The following ITPRIPL2 variants were observed in gnomAD, a reference collection of about 807,000 sequenced individuals.
ITPRIPL2 encodes the protein inositol 1,4,5-trisphosphate receptor-interacting protein-like 2.
In ITPRIPL2, 29 loss-of-function variants were observed where a neutral mutation model predicts 31.7. That is an observed-to-expected ratio of 0.91 (90% CI 0.68 to 1.25). The LOEUF is 1.25. Among genes scored for constraint, ITPRIPL2 ranks in the 50% most tolerant of loss-of-function variants. The pLI is 0.00. For missense variants in ITPRIPL2, 696 were observed against 739.1 expected (o/e 0.94, Z 0.68); for synonymous variants, 344 against 343.4 (o/e 1.00, Z -0.02).
chr16:19,115,935 G>A lies in ITPRIPL2; in HGVS notation c.1474G>A (p.Ala492Thr), dbSNP rs1209444158. ...AAFDGHAREL[A>T]AARLLSTWQR... ...TTTCGACGGGCACGCCCGGGAACTTGCAGCAGCGCGGTTGCTGTCCACGTG... is the reference window on the plus strand; with the variant it reads ...TTTCGACGGGCACGCCCGGGAACTTACAGCAGCGCGGTTGCTGTCCACGTG... The change falls in exon 1 of 1, where the codon GCA (alanine) becomes ACA (threonine). Residue 492 changes from alanine to threonine, a missense_variant. Coordinates refer to ENST00000381440, the MANE Select transcript of ITPRIPL2 (RefSeq NM_001034841.4). The A allele has an allele frequency of 1.9e-6, 3 of 1,612,436 alleles. No individual in the cohort carries two copies. The African/African-American group carries it at 4.0e-5, about 22-fold the overall frequency.
In ITPRIPL2 at chr16:19,117,725, A is replaced by G. The variant is rs947970071; in HGVS notation, c.*1656A>G. ...TTCTGAGCTCTTTTGAGGGAACTCTATAAGCCTTCTTTCTTTAGGGGATCC... is the reference window on the plus strand; with the variant it reads ...TTCTGAGCTCTTTTGAGGGAACTCTGTAAGCCTTCTTTCTTTAGGGGATCC... On this transcript the variant is annotated 3_prime_UTR_variant, in exon 1 of 1. Coordinates refer to ENST00000381440, the MANE Select transcript of ITPRIPL2 (RefSeq NM_001034841.4). The G allele has an allele frequency of 3.0e-5, 5 of 167,086 alleles. No individual in the cohort carries two copies. The highest frequency in any genetic ancestry group is 7.3e-5 in the Non-Finnish European group (5 of 68,124). 10.4% of individuals were successfully genotyped at this position (167,086 alleles called of 1,614,324 possible). A position where few individuals can be genotyped will look rare whatever the true frequency, so the allele number is the denominator to read the frequency against.
chr16:19,116,806 A>C lies in ITPRIPL2; in HGVS notation c.*737A>C, dbSNP rs888472009. The C allele has an allele frequency of 4.8e-5, 8 of 167,114 alleles. No individual in the cohort carries two copies. Among genetic ancestry groups the C allele is most frequent in the African/African-American group, 1.9e-4 (8 of 41,450 alleles). 10.4% of individuals were successfully genotyped at this position (167,114 alleles called of 1,614,324 possible). A position where few individuals can be genotyped will look rare whatever the true frequency, so the allele number is the denominator to read the frequency against. The stretch of plus-strand genomic sequence containing the variant: ...GCTAGCACCAAGCATTGCATCTGAA[A>C]GGGAAGCCAGTTATATTTATTATTA... On this transcript the variant is annotated 3_prime_UTR_variant, in exon 1 of 1. Transcript: ENST00000381440.
At position 19,114,570 on chromosome 16, in the gene ITPRIPL2, C is replaced by A. The variant is rs771733658; in HGVS notation, c.109C>A (p.Arg37=). Residue 37 remains arginine (R), a synonymous_variant, in exon 1 of 1, where the codon CGG becomes AGG. Coordinates refer to ENST00000381440, the MANE Select transcript of ITPRIPL2 (RefSeq NM_001034841.4). Reference sequence around the variant, plus strand: ...TGTCCTGCGGGGAAGCGGGGGCGCCCGGGCCGAGCCCGCCGACGGCGTGGA... The same window carrying A: ...TGTCCTGCGGGGAAGCGGGGGCGCCAGGGCCGAGCCCGCCGACGGCGTGGA... ...YHVLRGSGGA[R]AEPADGVDGG... 6.4e-7 allele frequency: 1 copy of A among 1,553,142 alleles called. No homozygotes were observed. The highest frequency in any genetic ancestry group is 8.7e-7 in the Non-Finnish European group (1 of 1,154,724).
rs1056011073 is a variant in ITPRIPL2, at chr16:19,115,580, C to CA, written c.1121dup (p.Cys375ValfsTer6). 1.2e-6 allele frequency: 2 copies of CA among 1,605,010 alleles called. No individual in the cohort carries two copies. Among genetic ancestry groups the CA allele is most frequent in the African/African-American group, 2.7e-5 (2 of 74,900 alleles). On this transcript the variant is annotated frameshift_variant, in exon 1 of 1. Transcript: ENST00000381440. LOFTEE classifies it high-confidence loss of function. ...GGGCAGCTCCAGGTGCCTGCTACCT[C>CA]AAGTGCCTGCAGTTGCTTAAGGCTC...
At position 19,119,046 on chromosome 16, in the gene ITPRIPL2, A is replaced by C. The variant is rs879351687; in HGVS notation, c.*2977A>C. Reference sequence around the variant, plus strand: ...TAGTTGTCCAGCCAGTGCTGGAGGAAAATGTTTCTGGGGAAGATGACTCAG... The same window carrying C: ...TAGTTGTCCAGCCAGTGCTGGAGGACAATGTTTCTGGGGAAGATGACTCAG... On this transcript the variant is annotated 3_prime_UTR_variant, in exon 1 of 1. Coordinates refer to ENST00000381440, the MANE Select transcript of ITPRIPL2 (RefSeq NM_001034841.4). 2 of 413,398 alleles carry C rather than the reference A, an allele frequency of 4.8e-6. No individual in the cohort carries two copies. The highest frequency in any genetic ancestry group is 8.8e-6 in the Non-Finnish European group (2 of 226,152). 25.6% of individuals were successfully genotyped at this position (413,398 alleles called of 1,614,324 possible). A position where few individuals can be genotyped will look rare whatever the true frequency, so the allele number is the denominator to read the frequency against.
In ITPRIPL2 at chr16:19,114,671, C is replaced by T. The variant is rs1181614831; in HGVS notation, c.210C>T (p.Val70=). The change falls in exon 1 of 1, where the codon GTC becomes GTT. Residue 70 remains valine, a synonymous_variant. Transcript: ENST00000381440. The part of the protein sequence containing the change: ...SYVLLRCRHA[V]RQRFLPGSPR... ...TCCTCCTGCGCTGTCGCCACGCTGT[C>T]CGGCAGCGCTTCCTGCCCGGGTCTC... The T allele has an allele frequency of 1.2e-6, 2 of 1,611,308 alleles. No individual in the cohort carries two copies. The highest frequency in any genetic ancestry group is 8.5e-7 in the Non-Finnish European group (1 of 1,179,278).
Position 19,119,022 on chromosome 16 carries a change from A to G in ITPRIPL2, c.*2953A>G, listed in dbSNP as rs558311123. Reference sequence around the variant, plus strand: ...GTAACAACAGCAAAAAGAAAAAATTAGTTGTCCAGCCAGTGCTGGAGGAAA... The same window carrying G: ...GTAACAACAGCAAAAAGAAAAAATTGGTTGTCCAGCCAGTGCTGGAGGAAA... On this transcript the variant is annotated 3_prime_UTR_variant, in exon 1 of 1. Coordinates refer to ENST00000381440, the MANE Select transcript of ITPRIPL2 (RefSeq NM_001034841.4). 2.4e-6 allele frequency: 1 copy of G among 413,524 alleles called. No homozygotes were observed. The highest frequency in any genetic ancestry group is 2.1e-5 in the African/African-American group (1 of 48,752). 25.6% of individuals were successfully genotyped at this position (413,524 alleles called of 1,614,324 possible). A position where few individuals can be genotyped will look rare whatever the true frequency, so the allele number is the denominator to read the frequency against.
Position 19,116,037 on chromosome 16 carries a change from C to T in ITPRIPL2, c.1576C>T (p.Arg526Cys), listed in dbSNP as rs2142436915. The change falls in exon 1 of 1, where the codon CGC becomes TGC. Residue 526 changes from arginine (R) to cysteine (C), a missense_variant. By Grantham distance (180) the Arg-to-Cys change is radical (BLOSUM62 -3). Transcript: ENST00000381440. ...CAGGTGCCCCCCACCCCGGAGTCAG[C>T]GCACCCAGGGCTTCCTTGAAGGTGA... ...LARCPPPRSQ[R>C]TQGFLEGEP 1 of 1,601,690 alleles carries T rather than the reference C, an allele frequency of 6.2e-7. No homozygotes were observed.
chr16:19,114,557 A>G lies in ITPRIPL2; in HGVS notation c.96A>G (p.Gly32=). Residue 32 remains glycine, a synonymous_variant, in exon 1 of 1, where the codon GGA becomes GGG. Transcript: ENST00000381440. ...ALVCLYHVLR[G]SGGARAEPAD... ...TGTGCCTCTACCATGTCCTGCGGGG[A>G]AGCGGGGGCGCCCGGGCCGAGCCCG... 1 of 1,537,032 alleles carries G rather than the reference A, an allele frequency of 6.5e-7. No homozygotes were observed. Among genetic ancestry groups the G allele is most frequent in the Admixed American group, 2.0e-5 (1 of 50,566 alleles).
At position 19,116,089 on chromosome 16, in the gene ITPRIPL2, C is replaced by T. The variant is rs771055947; in HGVS notation, c.*20C>T. On this transcript the variant is annotated 3_prime_UTR_variant, in exon 1 of 1. Coordinates refer to ENST00000381440, the MANE Select transcript of ITPRIPL2 (RefSeq NM_001034841.4). ...CCGTAAACCCTGACAGCACCCCCAC[C>T]TGACCAAATGCTCCTAAAGCCTTTC... The T allele has an allele frequency of 1.3e-6, 2 of 1,545,998 alleles. No individual in the cohort carries two copies. The highest frequency in any genetic ancestry group is 4.5e-5 in the East Asian group (2 of 44,088).
Position 19,114,066 on chromosome 16 carries a change from C to T in ITPRIPL2, c.-396C>T, listed in dbSNP as rs1963395893. ...CCTCGGAAGAGGAAACTCCCGGGGTCCGAGTAACAGGGTCAGGCGCGGAGA... is the reference window on the plus strand; with the variant it reads ...CCTCGGAAGAGGAAACTCCCGGGGTTCGAGTAACAGGGTCAGGCGCGGAGA... On this transcript the variant is annotated 5_prime_UTR_variant, in exon 1 of 1. Transcript: ENST00000381440. The T allele has an allele frequency of 7.5e-6, 3 of 397,854 alleles. No homozygotes were observed. The East Asian group carries it at 1.1e-4, about 14-fold the overall frequency. The allele number at this position is 397,854 out of a possible 1,614,324, so 24.6% of individuals were successfully genotyped here.
At position 19,114,741 on chromosome 16, in the gene ITPRIPL2, G is replaced by C. The variant is rs748762830; in HGVS notation, c.280G>C (p.Glu94Gln). ...HAAFSSRHFREPGLSILLESY... is the reference protein window; with the variant it reads ...HAAFSSRHFRQPGLSILLESY... ...CGCCTTCTCCTCGAGACACTTCCGA[G>C]AGCCGGGCCTCAGCATCCTGCTGGA... is the stretch of plus-strand genomic sequence containing the variant. Residue 94 changes from glutamate (E) to glutamine (Q), a missense_variant, in exon 1 of 1, where the codon GAG becomes CAG. Physicochemically the swap from Glu to Gln is conservative, Grantham distance 29. Coordinates refer to ENST00000381440, the MANE Select transcript of ITPRIPL2 (RefSeq NM_001034841.4). 1.2e-5 allele frequency: 20 copies of C among 1,612,684 alleles called. No individual in the cohort carries two copies. Among genetic ancestry groups the C allele is most frequent in the Non-Finnish European group, 1.6e-5 (19 of 1,179,918 alleles).
chr16:19,114,520 GCACC>G lies in ITPRIPL2; in HGVS notation c.60_63del (p.Cys20TrpfsTer103). The G allele has an allele frequency of 6.8e-7, 1 of 1,475,726 alleles. No homozygotes were observed. Among genetic ancestry groups the G allele is most frequent in the Non-Finnish European group, 9.0e-7 (1 of 1,113,540 alleles). The allele number at this position is 1,475,726 out of a possible 1,614,324, so 91.4% of individuals were successfully genotyped here. On this transcript the variant is annotated frameshift_variant, in exon 1 of 1. Coordinates refer to ENST00000381440, the MANE Select transcript of ITPRIPL2 (RefSeq NM_001034841.4). LOFTEE classifies it high-confidence loss of function. ...TTCTGGCCCCTGGTGACCGGCCTGT[GCACC>G]GCCCTGGTGTGCCTCTACCATGTCC...
Position 19,115,977 on chromosome 16 carries a change from CT to C in ITPRIPL2, c.1518del (p.Leu507SerfsTer32). The C allele has an allele frequency of 6.2e-7, 1 of 1,613,038 alleles. No homozygotes were observed. Among genetic ancestry groups the C allele is most frequent in the Non-Finnish European group, 8.5e-7 (1 of 1,179,792 alleles). ...GTCCACGTGGCAAAGGCTGCCCCAG[CT>C]TCTCCGGGCCTACGGGGGTCCCCGC... ...LLSTWQRLPQ[L>X]LRAYGGPRYL... On this transcript the variant is annotated frameshift_variant, in exon 1 of 1. Transcript: ENST00000381440. LOFTEE classifies it high-confidence loss of function.
rs1374056291 is a variant in ITPRIPL2 at position 19,116,119 on chromosome 16, T to G, written c.*50T>G. Reference sequence around the variant, plus strand: ...CAAATGCTCCTAAAGCCTTTCCCACTGGGTGGGGGTGGGAATGGCGGTGAA... The same window carrying G: ...CAAATGCTCCTAAAGCCTTTCCCACGGGGTGGGGGTGGGAATGGCGGTGAA... On this transcript the variant is annotated 3_prime_UTR_variant, in exon 1 of 1. Transcript: ENST00000381440. The G allele has an allele frequency of 6.7e-7, 1 of 1,483,804 alleles. No homozygotes were observed. Among genetic ancestry groups the G allele is most frequent in the Non-Finnish European group, 9.1e-7 (1 of 1,103,756 alleles). The allele number at this position is 1,483,804 out of a possible 1,614,324, so 91.9% of individuals were successfully genotyped here.
Position 19,120,282 on chromosome 16 carries a change from A to G in ITPRIPL2, c.*4213A>G, listed in dbSNP as rs934660915. On this transcript the variant is annotated 3_prime_UTR_variant, in exon 1 of 1. Coordinates refer to ENST00000381440, the MANE Select transcript of ITPRIPL2 (RefSeq NM_001034841.4). ...TTATTTGTAGAGTCAGGGTCTCCCT[A>G]TGTTGCCCAGGCTGGTCTTGAACTA... is the stretch of plus-strand genomic sequence containing the variant. The G allele has an allele frequency of 2.0e-4, 31 of 154,778 alleles. No individual in the cohort carries two copies. The highest frequency in any genetic ancestry group is 7.4e-5 in the Non-Finnish European group (5 of 67,926). The allele number at this position is 154,778 out of a possible 1,614,324, so 9.6% of individuals were successfully genotyped here.
At position 19,119,464 on chromosome 16, in the gene ITPRIPL2, G is replaced by C; in HGVS notation, c.*3395G>C. 5.5e-6 allele frequency: 1 copy of C among 182,148 alleles called. No homozygotes were observed. The highest frequency in any genetic ancestry group is 1.3e-5 in the Non-Finnish European group (1 of 78,778). The allele number at this position is 182,148 out of a possible 1,614,324, so 11.3% of individuals were successfully genotyped here. On this transcript the variant is annotated 3_prime_UTR_variant, in exon 1 of 1. Coordinates refer to ENST00000381440, the MANE Select transcript of ITPRIPL2 (RefSeq NM_001034841.4). ...CATGCAGAAAAAAATGGGGCAACAAGCTGGAAATCAGGTTTTTTTTTTTTA... is the reference window on the plus strand; with the variant it reads ...CATGCAGAAAAAAATGGGGCAACAACCTGGAAATCAGGTTTTTTTTTTTTA...
rs1491422145 is a variant in ITPRIPL2, at chr16:19,120,626, T to TATATATATATATATATA, written c.*4557_*4558insATATATATATATATATA. On this transcript the variant is annotated 3_prime_UTR_variant, in exon 1 of 1. Coordinates refer to ENST00000381440, the MANE Select transcript of ITPRIPL2 (RefSeq NM_001034841.4). Reference sequence around the variant, plus strand: ...TAATATATATATATATATATATATATTTTTTTTTTTTTTTTTTAGTAGAGA... The same window carrying TATATATATATATATATA: ...TAATATATATATATATATATATATATATATATATATATATATATTTTTTTTTTTTTTTTTAGTAGAGA... The TATATATATATATATATA allele has an allele frequency of 4.8e-5, 4 of 83,734 alleles. No homozygotes were observed. Among genetic ancestry groups the TATATATATATATATATA allele is most frequent in the African/African-American group, 2.6e-4 (4 of 15,628 alleles). The allele number at this position is 83,734 out of a possible 1,614,324, so 5.2% of individuals were successfully genotyped here.
Position 19,116,228 on chromosome 16 carries a change from C to A in ITPRIPL2, c.*159C>A, listed in dbSNP as rs1963443576. 1 of 672,338 alleles carries A rather than the reference C, an allele frequency of 1.5e-6. No individual in the cohort carries two copies. The highest frequency in any genetic ancestry group is 2.6e-6 in the Non-Finnish European group (1 of 391,188). The allele number at this position is 672,338 out of a possible 1,614,324, so 41.6% of individuals were successfully genotyped here. A position where few individuals can be genotyped will look rare whatever the true frequency, so the allele number is the denominator to read the frequency against. On this transcript the variant is annotated 3_prime_UTR_variant, in exon 1 of 1. Coordinates refer to ENST00000381440, the MANE Select transcript of ITPRIPL2 (RefSeq NM_001034841.4). ...TAGTGGCTTAAATATCACCTTCTCG[C>A]TTCACAGTCCAGTATAATATGACAT...
Sources: allele counts gnomAD v4.1 joint callset, GRCh38; gene constraint gnomAD v4.1.1; transcripts MANE v1.5; gene names NCBI Gene and HGNC (gene_info 2026-07-23, HGNC 2026-07-21).